The following SLC25A38 variants were observed in gnomAD, a reference collection of about 807,000 sequenced individuals.
SLC25A38 encodes the protein mitochondrial glycine transporter.
SLC25A38 carries 27 observed loss-of-function variants against 33.4 expected under a neutral mutation model. The ratio of observed to expected loss-of-function variants is 0.81; its 90% confidence interval spans 0.60 to 1.11. The LOEUF (loss-of-function observed/expected upper bound fraction) is 1.11. Among genes scored for constraint, SLC25A38 ranks in the 50% most tolerant of loss-of-function variants. The pLI is 0.00. For synonymous variants in SLC25A38, 123 were observed against 145.9 expected, an observed-to-expected ratio of 0.84 and a Z score of 1.13; for missense variants, 344 against 388.8, an observed-to-expected ratio of 0.88 and a Z score of 0.97.
Position 39,391,918 on chromosome 3 carries a change from C to T in SLC25A38, c.522C>T (p.His174=). ...ALRSIYHSEG[H]RGLFSGLTAT... is the part of the protein sequence containing the mutation. ...GGAGCATCTATCACAGTGAGGGGCACCGGGGCCTCTTCAGTGGCCTGACAG... is the reference window on the plus strand; with the variant it reads ...GGAGCATCTATCACAGTGAGGGGCATCGGGGCCTCTTCAGTGGCCTGACAG... The change falls in exon 5 of 7, where the codon CAC becomes CAT. Residue 174 remains histidine, a synonymous_variant. Coordinates refer to ENST00000650617, the MANE Select transcript of SLC25A38 (RefSeq NM_017875.4). 6.2e-7 allele frequency: 1 copy of T among 1,614,134 alleles called. No homozygotes were observed. The highest frequency in any genetic ancestry group is 8.5e-7 in the Non-Finnish European group (1 of 1,180,012).
chr3:39,392,139 T>A, intron 5 of SLC25A38, 118 bp downstream of exon 5: 1 of 1,350,786 alleles, frequency 7.4e-7, no homozygotes, highest in Non-Finnish European at 1.0e-6. Flanking sequence ...CTGAGCCATA[T>A]CATGATTGTG....
rs915098168 is a variant in SLC25A38, at chr3:39,396,627, C to G, written c.*107C>G. 4.3e-5 allele frequency: 68 copies of G among 1,589,954 alleles called. No individual in the cohort carries two copies. Among genetic ancestry groups the G allele is most frequent in the Non-Finnish European group, 5.7e-5 (66 of 1,163,114 alleles). ...TAAGATGAAGTCCTACCTGGAAAACCAGGCAGAAATTGTGTTGCCTTTGCC... is the reference window on the plus strand; with the variant it reads ...TAAGATGAAGTCCTACCTGGAAAACGAGGCAGAAATTGTGTTGCCTTTGCC... On this transcript the variant is annotated 3_prime_UTR_variant, in exon 7 of 7. Coordinates refer to ENST00000650617, the MANE Select transcript of SLC25A38 (RefSeq NM_017875.4).
At chr3:39,394,733 G>C (rs1244785128) in intron 6 of SLC25A38, among the ~76,000 whole-genome samples, 157 bp downstream of exon 6, 1 of 152,040 alleles carries the variant, frequency 6.6e-6, no homozygotes, top group Non-Finnish European at 1.5e-5. Flanking sequence ...AGAATGTCTA[G>C]TGAGATTTTT....
intron 4 of SLC25A38, 54 bp from the exon 5 acceptor site, chr3:39,391,799 G>A: frequency 6.2e-7 from 1 of 1,612,242 alleles, no homozygotes; most frequent in Non-Finnish European, 8.5e-7. Flanking sequence ...TGCTTGTTCA[G>A]TGCTGAAATG....
chr3:39,394,331 A>G lies in SLC25A38; in HGVS notation c.626-79A>G. On this transcript the variant is annotated intron_variant, in intron 5 of 6. Coordinates refer to ENST00000650617, the MANE Select transcript of SLC25A38 (RefSeq NM_017875.4). ...CCAGACCTTTCTTGGTTTGGGGAAG[A>G]ATTGGTGGGCAACTTGCACTGACCT... is the stretch of plus-strand genomic sequence containing the variant. 5 of 1,577,192 alleles carry G rather than the reference A, an allele frequency of 3.2e-6. No homozygotes were observed. In the South Asian group the frequency reaches 3.3e-5, roughly 11 times the overall value.
chr3:39,385,721 T>C lies in SLC25A38; in HGVS notation c.69+1928T>C, dbSNP rs146763411. Among the ~76,000 whole-genome samples the C allele has an allele frequency of 3.9e-5, 6 of 152,338 alleles. No homozygotes were observed. In the East Asian group the frequency reaches 1.2e-3, roughly 29 times the overall value. ...GTGCACCAGGCTCCGAGGTCAGTTC[T>C]TGAGATATCACCATGAACAAGACAG... On this transcript the variant is annotated intron_variant, in intron 1 of 6. Transcript: ENST00000650617.
At chr3:39,388,814 T>C (rs76429647) in intron 1 of SLC25A38, among the ~76,000 whole-genome samples, 370 of 151,782 alleles carry the variant, frequency 2.4e-3, no homozygotes, top group African/African-American at 8.6e-3. Flanking sequence ...CTAAGGGAGG[T>C]ATATTTAGTC....
In SLC25A38 at chr3:39,389,602, G is replaced by T; in HGVS notation, c.177G>T (p.Gln59His). Residue 59 changes from glutamine (Q) to histidine (H), a missense_variant, in exon 2 of 7, where the codon CAG (glutamine) becomes CAT (histidine). This residue lies in a region of SLC25A38 where 269 missense variants were observed against 271.8 expected (regional missense o/e 0.99). Transcript: ENST00000650617. The surrounding 1 kb of genome is among the most constrained non-coding windows in gnomAD (Gnocchi z 4.5). ...TTAAAACACGCCTGCAAACCCTCCA[G>T]CCCTCAGATCATGGGTAGGCCCTGC... ...DLLKTRLQTL[Q>H]PSDHGSRRVG... 1.9e-6 allele frequency: 3 copies of T among 1,614,110 alleles called. No individual in the cohort carries two copies. The highest frequency in any genetic ancestry group is 2.2e-5 in the South Asian group (2 of 91,078).
Position 39,383,693 on chromosome 3 carries a change from T to A in SLC25A38, c.-32T>A. 6.2e-7 allele frequency: 1 copy of A among 1,613,448 alleles called. No individual in the cohort carries two copies. The highest frequency in any genetic ancestry group is 8.5e-7 in the Non-Finnish European group (1 of 1,179,532). On this transcript the variant is annotated 5_prime_UTR_variant, in exon 1 of 7. Coordinates refer to ENST00000650617, the MANE Select transcript of SLC25A38 (RefSeq NM_017875.4). ...GCCCAAGCGCCCGTCGACGGCACCCTGGGCCCAGAGGACTCGCGGGCCTCA... is the reference window on the plus strand; with the variant it reads ...GCCCAAGCGCCCGTCGACGGCACCCAGGGCCCAGAGGACTCGCGGGCCTCA...
Position 39,390,499 on chromosome 3 carries a change from A to C in SLC25A38, c.268A>C (p.Met90Leu), listed in dbSNP as rs1340085805. The change falls in exon 3 of 7, where the codon ATG becomes CTG. Residue 90 changes from methionine to leucine, a missense_variant. By Grantham distance (15) the Met-to-Leu change is conservative. This residue lies in a region of SLC25A38 where 269 missense variants were observed against 271.8 expected (regional missense o/e 0.99). Transcript: ENST00000650617. ...TESLLGLWKG[M>L]SPSIVRCVPG... is the part of the protein sequence containing the mutation. ...GAGTCTTTTGGGCCTTTGGAAAGGG[A>C]TGTCCCCTGTAAGCTGCCATCTGGG... 1 of 1,614,014 alleles carries C rather than the reference A, an allele frequency of 6.2e-7. No homozygotes were observed. The highest frequency in any genetic ancestry group is 1.1e-5 in the South Asian group (1 of 91,062).
chr3:39,389,069 G>C lies in SLC25A38; in HGVS notation c.70-426G>C, dbSNP rs1237889777. Among the ~76,000 whole-genome samples, 4 of 152,196 alleles carry C rather than the reference G, an allele frequency of 2.6e-5. No homozygotes were observed. The highest frequency in any genetic ancestry group is 5.9e-5 in the Non-Finnish European group (4 of 68,038). On this transcript the variant is annotated intron_variant, in intron 1 of 6. Transcript: ENST00000650617. The surrounding 1 kb of genome is among the most constrained non-coding windows in gnomAD (Gnocchi z 4.5). ...CTTAAGGTTTCATTTGCTTTGGCTT[G>C]GTCCTATAAATACCTATAGGTCTTA...
At position 39,396,643 on chromosome 3, in the gene SLC25A38, T is replaced by G; in HGVS notation, c.*123T>G. The G allele has an allele frequency of 6.6e-7, 1 of 1,524,240 alleles. No individual in the cohort carries two copies. Among genetic ancestry groups the G allele is most frequent in the South Asian group, 1.1e-5 (1 of 87,884 alleles). The allele number at this position is 1,524,240 out of a possible 1,614,324, so 94.4% of individuals were successfully genotyped here. On this transcript the variant is annotated 3_prime_UTR_variant, in exon 7 of 7. Coordinates refer to ENST00000650617, the MANE Select transcript of SLC25A38 (RefSeq NM_017875.4). ...CTGGAAAACCAGGCAGAAATTGTGT[T>G]GCCTTTGCCTTCAGTAATCCCCTTA...
At chr3:39,386,683 A>G (rs2041711034) in intron 1 of SLC25A38, among the ~76,000 whole-genome samples, 1 of 152,214 alleles carries the variant, frequency 6.6e-6, no homozygotes, top group South Asian at 2.1e-4. Flanking sequence ...CACCAAGGCA[A>G]GAGATAACAG....
chr3:39,392,395 CTG>C (rs1407514702), intron 5 of SLC25A38, among the ~76,000 whole-genome samples: 3 of 152,064 alleles, frequency 2.0e-5, no homozygotes, highest in African/African-American at 7.2e-5. Context: ...ACCTAGGAGT[CTG>C]TATTTTTCAA....
chr3:39,390,737 A>G (rs1033248154), intron 3 of SLC25A38, among the ~76,000 whole-genome samples: 10 of 152,220 alleles, frequency 6.6e-5, no homozygotes, highest in African/African-American at 2.4e-4. Context: ...TCTCTACAGC[A>G]TAGGTACCTA....
Position 39,383,539 on chromosome 3 carries a change from C to G in SLC25A38, c.-186C>G. Reference sequence around the variant, plus strand: ...GCAAGATTGTTCCGCGCCCGCAGCCCCTGGACTAGCAGGATCCGAACCCCG... The same window carrying G: ...GCAAGATTGTTCCGCGCCCGCAGCCGCTGGACTAGCAGGATCCGAACCCCG... On this transcript the variant is annotated 5_prime_UTR_variant, in exon 1 of 7. Transcript: ENST00000650617. 3.1e-6 allele frequency: 2 copies of G among 635,468 alleles called. No homozygotes were observed. Among genetic ancestry groups the G allele is most frequent in the East Asian group, 2.8e-5 (1 of 36,072 alleles). The allele number at this position is 635,468 out of a possible 1,614,324, so 39.4% of individuals were successfully genotyped here.
Position 39,383,794 on chromosome 3 carries a change from G to A in SLC25A38, c.69+1G>A, listed in dbSNP as rs1256565802. 1 of 1,614,044 alleles carries A rather than the reference G, an allele frequency of 6.2e-7. No individual in the cohort carries two copies. Among genetic ancestry groups the A allele is most frequent in the Non-Finnish European group, 8.5e-7 (1 of 1,180,008 alleles). On this transcript the variant is annotated splice_donor_variant, in intron 1 of 6. Coordinates refer to ENST00000650617, the MANE Select transcript of SLC25A38 (RefSeq NM_017875.4). LOFTEE classifies it high-confidence loss of function. ...CGGAGACACGGTGGAAACGCTTATG[G>A]TGAGGGCACTGCGGGGAAGGAAGGG...
intron 1 of SLC25A38, among the ~76,000 whole-genome samples, chr3:39,385,977 A>C (rs1232913400): frequency 6.6e-6 from 1 of 152,088 alleles, no homozygotes; most frequent in African/African-American, 2.4e-5. Flanking sequence ...ATAGGCCAAA[A>C]CGGTTAGCAG....
chr3:39,387,898 T>G (rs1465421475), intron 1 of SLC25A38: 1 of 152,966 alleles, frequency 6.5e-6, no homozygotes, highest in Non-Finnish European at 1.5e-5. Context: ...AACGGGGTCC[T>G]GGGGTGCAGC....
Sources: gnomAD v4.1 joint callset for allele counts (sites outside exome capture counted in the v4.1 genomes callset) on GRCh38, gnomAD v4.1.1 for gene constraint, gnomAD v4.1.1 regional missense constraint, Gnocchi (gnomAD v3.1) non-coding constraint, MANE v1.5 for transcripts, NCBI Gene and HGNC (gene_info 2026-07-23, HGNC 2026-07-21) for gene names.